Variants in MSANTD2 observed in about 807,000 individuals in gnomAD.
MSANTD2 encodes the protein Myb/SANT DNA binding domain containing 2, also known as myb/SANT-like DNA-binding domain-containing protein 2.
MSANTD2 carries 19 observed loss-of-function variants against 52.6 expected under a neutral mutation model. That is an observed-to-expected ratio of 0.36 (90% CI 0.25 to 0.53). The LOEUF is 0.53. Ranked by LOEUF, MSANTD2 falls within the 20% of genes least tolerant of loss-of-function variation. The pLI, the probability that MSANTD2 is intolerant of heterozygous loss-of-function variation, is 0.91. For missense variants in MSANTD2, 558 were observed against 716.3 expected, an observed-to-expected ratio of 0.78 and a Z score of 2.52; for synonymous variants, 291 against 289.7, an observed-to-expected ratio of 1.00 and a Z score of -0.04.
At chr11:124,777,454 T>C (rs533892873) in intron 1 of MSANTD2, among the ~76,000 whole-genome samples, 11 of 152,328 alleles carry the variant, frequency 7.2e-5, no homozygotes, top group East Asian at 3.9e-4. Context: ...TCTCTGGCGA[T>C]AGACATGGTA....
At chr11:124,791,903 A>T in intron 1 of MSANTD2, 1 of 363,972 alleles carries the variant, frequency 2.7e-6, no homozygotes, top group South Asian at 2.4e-5. Flanking sequence ...AGAACATATC[A>T]GAGTATATTA....
At chr11:124,783,878 G>A (rs1238106826) in intron 1 of MSANTD2, 1 of 985,352 alleles carries the variant, frequency 1.0e-6, no homozygotes, top group Non-Finnish European at 1.2e-6. Context: ...CCTATGCTAT[G>A]TGTGCTTCTC....
At chr11:124,777,510 G>C (rs924749670) in intron 1 of MSANTD2, among the ~76,000 whole-genome samples, 1 of 152,230 alleles carries the variant, frequency 6.6e-6, no homozygotes, top group Non-Finnish European at 1.5e-5. Context: ...CCACCAAATT[G>C]AGCTTAATAC....
chr11:124,799,970 G>A lies in MSANTD2; in HGVS notation c.411C>T (p.Gly137=). The change falls in exon 1 of 4, where the codon GGC becomes GGT. Residue 137 remains glycine (G), a synonymous_variant. Transcript: ENST00000374979. ...ACATGGCTGGCCCGGGGGCCTTGCT[G>A]CCGAACACCGTGCCGGCTCCCTCCA... The part of the protein sequence containing the change: ...QQLEGAGTVF[G]SKAPGPAMYE... 2 of 1,585,002 alleles carry A rather than the reference G, an allele frequency of 1.3e-6. No individual in the cohort carries two copies. Among genetic ancestry groups the A allele is most frequent in the South Asian group, 1.1e-5 (1 of 89,214 alleles).
In MSANTD2 at chr11:124,784,330, C is replaced by T. The variant is rs1009077304; in HGVS notation, c.511-9356G>A. The T allele has an allele frequency of 3.9e-5, 38 of 984,916 alleles. No individual in the cohort carries two copies. In the African/African-American group the frequency reaches 6.3e-4, roughly 16 times the overall value. The allele number at this position is 984,916 out of a possible 1,614,324, so 61.0% of individuals were successfully genotyped here. ...GTATTCAGATACACTAAAAATGATA[C>T]TTTTATTAGTATGTGATATCTAAAA... On this transcript the variant is annotated intron_variant, in intron 1 of 3. Transcript: ENST00000374979.
intron 1 of MSANTD2, among the ~76,000 whole-genome samples, chr11:124,788,859 T>C (rs1380534801): frequency 1.3e-5 from 2 of 152,246 alleles, no homozygotes; most frequent in Non-Finnish European, 2.9e-5. Context: ...ATAAGCATAA[T>C]GAAAGAGCTC....
intron 1 of MSANTD2, chr11:124,775,651 C>G (rs1158429196): frequency 6.6e-6 from 1 of 152,276 alleles, no homozygotes; most frequent in African/African-American, 2.4e-5. Flanking sequence ...TAAAGCTAGA[C>G]AATCTACTCG....
chr11:124,792,749 A>T (rs927407747), intron 1 of MSANTD2: 9 of 152,148 alleles, frequency 5.9e-5, no homozygotes, highest in African/African-American at 2.2e-4. Flanking sequence ...AGTAGGCACT[A>T]TCTGTTGATG....
At chr11:124,791,568 T>G in intron 1 of MSANTD2, 2 of 1,302,418 alleles carry the variant, frequency 1.5e-6, no homozygotes, top group Non-Finnish European at 2.2e-6. Context: ...AATGTGACCC[T>G]GAGCTGCCAG....
At chr11:124,796,665 G>A (rs1023649712) in intron 1 of MSANTD2, among the ~76,000 whole-genome samples, 1 of 152,140 alleles carries the variant, frequency 6.6e-6, no homozygotes. Context: ...AAATGTAATT[G>A]ACTCACACAT....
chr11:124,792,953 GCTTT>G (rs1945377472), intron 1 of MSANTD2: 2 of 151,990 alleles, frequency 1.3e-5, no homozygotes, highest in South Asian at 4.2e-4. Flanking sequence ...TTTCCCTCTG[GCTTT>G]CTAATGGCAA....
At chr11:124,769,203 G>A (rs1308171950) in intron 3 of MSANTD2, among the ~76,000 whole-genome samples, 1 of 152,170 alleles carries the variant, frequency 6.6e-6, no homozygotes, top group Non-Finnish European at 1.5e-5. Context: ...GAGGCTTCAC[G>A]TGGCCATTCT....
rs1169589291 is a variant in MSANTD2, at chr11:124,784,482, A to C, written c.511-9508T>G. On this transcript the variant is annotated intron_variant, in intron 1 of 3. Transcript: ENST00000374979. The stretch of plus-strand genomic sequence containing the variant: ...ATGGACAACCATGTCTAAAAATTAA[A>C]CCCCCCCCCCGCCACCTCAAAAATC... The C allele has an allele frequency of 8.2e-6, 8 of 975,724 alleles. No homozygotes were observed. In the East Asian group the frequency reaches 5.8e-4, roughly 71 times the overall value. The allele number at this position is 975,724 out of a possible 1,614,324, so 60.4% of individuals were successfully genotyped here.
intron 1 of MSANTD2, among the ~76,000 whole-genome samples, chr11:124,781,863 G>A (rs1232431751): frequency 6.6e-6 from 1 of 152,014 alleles, no homozygotes; most frequent in Non-Finnish European, 1.5e-5. Flanking sequence ...ATGTTGGCCA[G>A]GCTGGTCTCA....
At chr11:124,770,554 C>T (rs747894646) in intron 3 of MSANTD2, among the ~76,000 whole-genome samples, 57 of 152,210 alleles carry the variant, frequency 3.7e-4, no homozygotes, top group Admixed American at 5.9e-4. Context: ...CCGCCTTGGC[C>T]GCCCAGGATG....
At chr11:124,772,534 G>A (rs954885515) in intron 3 of MSANTD2, among the ~76,000 whole-genome samples, 2 of 152,082 alleles carry the variant, frequency 1.3e-5, no homozygotes, top group African/African-American at 2.4e-5. Flanking sequence ...TCAGGAGATC[G>A]AGATAATCCT....
chr11:124,788,911 T>G (rs993909710), intron 1 of MSANTD2, among the ~76,000 whole-genome samples: 1 of 152,222 alleles, frequency 6.6e-6, no homozygotes, highest in Admixed American at 6.5e-5. Flanking sequence ...TTGAGGGTCT[T>G]TTTCCCTAAT....
intron 1 of MSANTD2, among the ~76,000 whole-genome samples, chr11:124,788,091 A>G (rs1430823539): frequency 6.6e-6 from 1 of 151,938 alleles, no homozygotes; most frequent in Non-Finnish European, 1.5e-5. Context: ...CAAAAAAAAA[A>G]AAAAAAGCCA....
At chr11:124,784,677 T>C (rs953926485) in intron 1 of MSANTD2, 7 of 984,674 alleles carry the variant, frequency 7.1e-6, no homozygotes, top group African/African-American at 1.7e-5. Context: ...AGTTCTGTAG[T>C]TATTTTCTCA....
Sources: allele counts gnomAD v4.1 joint callset (sites outside exome capture counted in the v4.1 genomes callset), GRCh38; gene constraint gnomAD v4.1.1; transcripts MANE v1.5; gene names NCBI Gene and HGNC (gene_info 2026-07-23, HGNC 2026-07-21).